Variants in ADGRL3 observed in about 807,000 individuals in gnomAD.
ADGRL3 encodes adhesion G protein-coupled receptor L3.
Under a neutral mutation model 153.5 loss-of-function variants are expected in ADGRL3, and 62 were observed. That is an observed-to-expected ratio of 0.40 (90% confidence interval 0.33 to 0.50). The LOEUF is 0.50. ADGRL3 is among the 20% of genes least tolerant of loss of function. The probability of loss-of-function intolerance (pLI) is 0.47; values close to 1 mark genes in which losing one functional copy is unlikely to be tolerated. For synonymous variants in ADGRL3, 710 were observed against 672.5 expected, an observed-to-expected ratio of 1.06 and a Z score of -0.86; for missense variants, 1,641 against 1,859.4, an observed-to-expected ratio of 0.88 and a Z score of 2.16.
chr4:61,581,209 G>A (rs1369573330), intron 4 of ADGRL3, among the ~76,000 whole-genome samples: 1 of 151,962 alleles, frequency 6.6e-6, no homozygotes, highest in Non-Finnish European at 1.5e-5. Flanking sequence ...CACAGTTACT[G>A]GGAAAACTCC....
chr4:61,990,952 CTGTGTGTGTGTGTGTGTG>C (rs34294452), intron 19 of ADGRL3, among the ~76,000 whole-genome samples: 12 of 142,334 alleles, frequency 8.4e-5, no homozygotes, highest in South Asian at 2.3e-4. Flanking sequence ...ATGTTTGAAA[CTGTGTGTGTGTGTGTGTG>C]TGTGTGTGTG....
chr4:61,361,443 A>C (rs2151498566), intron 1 of ADGRL3, among the ~76,000 whole-genome samples: 1 of 152,320 alleles, frequency 6.6e-6, no homozygotes, highest in East Asian at 1.9e-4. Context: ...TACTAGTCAA[A>C]GAAAGTAAAG....
At chr4:61,222,114 T>C (rs1577897931) in intron 1 of ADGRL3, among the ~76,000 whole-genome samples, 1 of 152,242 alleles carries the variant, frequency 6.6e-6, no homozygotes, top group East Asian at 1.9e-4. Flanking sequence ...GATTATATGC[T>C]CATTCATGTT....
At chr4:61,995,167 G>A (rs1009085941) in intron 19 of ADGRL3, among the ~76,000 whole-genome samples, 2 of 151,428 alleles carry the variant, frequency 1.3e-5, no homozygotes, top group Admixed American at 6.6e-5. Flanking sequence ...GCCTCCCAAA[G>A]TGCTGGTATT....
At chr4:61,285,833 A>T (rs971098987) in intron 1 of ADGRL3, among the ~76,000 whole-genome samples, 1 of 151,804 alleles carries the variant, frequency 6.6e-6, no homozygotes, top group Non-Finnish European at 1.5e-5. Flanking sequence ...TTTAAAAAGG[A>T]ATCACTTGCT....
chr4:61,690,262 T>C (rs1169184231), intron 6 of ADGRL3, among the ~76,000 whole-genome samples: 1 of 151,914 alleles, frequency 6.6e-6, no homozygotes, highest in East Asian at 1.9e-4. Context: ...CTTGGTAACA[T>C]AGTGAGACCA....
chr4:61,292,517 G>A (rs1489401646), intron 1 of ADGRL3, among the ~76,000 whole-genome samples: 26 of 152,148 alleles, frequency 1.7e-4, no homozygotes, highest in Non-Finnish European at 5.9e-5. Flanking sequence ...AACATGCCAC[G>A]TGTGTATGTG....
intron 8 of ADGRL3, among the ~76,000 whole-genome samples, chr4:61,756,676 A>G (rs1054654299): frequency 2.0e-5 from 3 of 152,060 alleles, no homozygotes; most frequent in Non-Finnish European, 4.4e-5. Flanking sequence ...AGTGGTGAAA[A>G]AGGGCATCCC....
rs141376451 is a variant in ADGRL3, at chr4:61,542,563, C to T, written c.259+25045C>T. Among the ~76,000 whole-genome samples the T allele has an allele frequency of 3.3e-4, 50 of 152,188 alleles. No homozygotes were observed. The East Asian group carries it at 6.4e-3, about 19-fold the overall frequency. On this transcript the variant is annotated intron_variant, in intron 4 of 26. Transcript: ENST00000683033. ...ATGCATTTATTTCTTTTAATGCAGT[C>T]GCGATTGTACTATGTAAGTACATTT...
intron 1 of ADGRL3, among the ~76,000 whole-genome samples, chr4:61,358,982 C>T (rs2096240782): frequency 6.6e-6 from 1 of 152,164 alleles, no homozygotes; most frequent in African/African-American, 2.4e-5. Context: ...AACTTCTACT[C>T]TCCACTCACA....
intron 1 of ADGRL3, among the ~76,000 whole-genome samples, chr4:61,345,986 C>A (rs1293947596): frequency 1.3e-5 from 2 of 152,096 alleles, no homozygotes; most frequent in African/African-American, 4.8e-5. Context: ...GGTTTTTATT[C>A]ATTTGTCAAA....
intron 2 of ADGRL3, among the ~76,000 whole-genome samples, chr4:61,397,406 G>T (rs1218326888): frequency 6.6e-6 from 1 of 151,976 alleles, no homozygotes; most frequent in East Asian, 1.9e-4. Context: ...TAGTCAAAAA[G>T]AAATGAGGCA....
At chr4:61,316,257 C>A (rs1295312162) in intron 1 of ADGRL3, among the ~76,000 whole-genome samples, 1 of 151,770 alleles carries the variant, frequency 6.6e-6, no homozygotes, top group African/African-American at 2.4e-5. Flanking sequence ...TTGAAAGAGC[C>A]CTGAAACAAA....
intron 2 of ADGRL3, among the ~76,000 whole-genome samples, chr4:61,469,715 T>A (rs1479517984): frequency 1.3e-5 from 2 of 151,986 alleles, no homozygotes; most frequent in Non-Finnish European, 2.9e-5. Context: ...ATTTTCAAGG[T>A]CATTTATAGT....
At chr4:61,808,682 C>T (rs1013771825) in intron 8 of ADGRL3, among the ~76,000 whole-genome samples, 44 of 152,030 alleles carry the variant, frequency 2.9e-4, no homozygotes, top group African/African-American at 1.1e-3. Context: ...TAATGCTAGG[C>T]ATGTCCAATT....
intron 3 of ADGRL3, among the ~76,000 whole-genome samples, chr4:61,510,275 T>C (rs933426940): frequency 6.6e-6 from 1 of 152,218 alleles, no homozygotes; most frequent in African/African-American, 2.4e-5. Flanking sequence ...TAGGTCCCAC[T>C]TGTCAATTTT....
intron 1 of ADGRL3, among the ~76,000 whole-genome samples, chr4:61,349,250 G>A (rs1254172932): frequency 6.6e-6 from 1 of 151,990 alleles, no homozygotes; most frequent in Admixed American, 6.5e-5. Flanking sequence ...TTGGTGTTCA[G>A]AAATGTGTTC....
At chr4:61,991,968 G>A (rs1315399964) in intron 19 of ADGRL3, among the ~76,000 whole-genome samples, 1 of 148,888 alleles carries the variant, frequency 6.7e-6, no homozygotes, top group Non-Finnish European at 1.5e-5. Context: ...ATAAACATGA[G>A]TGTGGTCAGA....
chr4:61,363,794 A>G (rs1308435371), intron 1 of ADGRL3, among the ~76,000 whole-genome samples: 2 of 152,118 alleles, frequency 1.3e-5, no homozygotes, highest in Non-Finnish European at 2.9e-5. Flanking sequence ...GCTTTAAGGT[A>G]TCTCATAGTC....
Sources: gnomAD v4.1 joint callset for allele counts (sites outside exome capture counted in the v4.1 genomes callset) on GRCh38, gnomAD v4.1.1 for gene constraint, MANE v1.5 for transcripts, NCBI Gene and HGNC (gene_info 2026-07-23, HGNC 2026-07-21) for gene names.